MTUS2: variants seen among roughly 807,000 people sequenced by gnomAD.
MTUS2 encodes the protein microtubule-associated tumor suppressor candidate 2.
In MTUS2, 40 loss-of-function variants were observed where a neutral mutation model predicts 114.1. That is an observed-to-expected ratio of 0.35 (90% CI 0.27 to 0.46). MTUS2 has a LOEUF of 0.46. Among genes scored for constraint, MTUS2 ranks in the 20% least tolerant of loss-of-function variants. The pLI is 1.00. For synonymous variants in MTUS2, 688 were observed against 672.0 expected (o/e 1.02, Z -0.37); for missense variants, 1,679 against 1,705.4 (o/e 0.98, Z 0.27).
At chr13:29,018,774 G>A (rs9508224) in intron 2 of MTUS2, among the ~76,000 whole-genome samples, 47,859 of 93,316 alleles carry the variant, frequency 0.51, 9,673 homozygotes, top group Admixed American at 0.56. Context: ...CCCTCCCCCC[G>A]CCCCCGCCCC....
chr13:28,863,894 C>G (rs1192521038), intron 2 of MTUS2, among the ~76,000 whole-genome samples: 1 of 152,144 alleles, frequency 6.6e-6, no homozygotes, highest in Non-Finnish European at 1.5e-5. Context: ...TAGGTTCTCA[C>G]TATGTCACCC....
At chr13:28,825,707 CAG>C (rs1313894421) in intron 1 of MTUS2, among the ~76,000 whole-genome samples, 17 of 152,144 alleles carry the variant, frequency 1.1e-4, no homozygotes, top group African/African-American at 2.7e-4. Context: ...CTCATGGGGA[CAG>C]GGGTATGGAA....
At chr13:29,259,527 A>G (rs1239576744) in intron 5 of MTUS2, among the ~76,000 whole-genome samples, 1 of 152,232 alleles carries the variant, frequency 6.6e-6, no homozygotes, top group East Asian at 1.9e-4. Context: ...CTTTGTTTAT[A>G]TCACCCAAAC....
intron 9 of MTUS2, among the ~76,000 whole-genome samples, chr13:29,470,851 T>G (rs1390871886): frequency 6.6e-6 from 1 of 152,180 alleles, no homozygotes; most frequent in Non-Finnish European, 1.5e-5. Context: ...TACTTGCAGT[T>G]CCTTCTAACT....
intron 8 of MTUS2, among the ~76,000 whole-genome samples, chr13:29,369,115 C>CG (rs960744559): frequency 2.1e-5 from 3 of 143,660 alleles, no homozygotes; most frequent in Admixed American, 1.4e-4. Flanking sequence ...TACCAGGCAG[C>CG]GGGAAAAAAA....
chr13:29,330,935 T>C (rs1287710164), intron 7 of MTUS2, among the ~76,000 whole-genome samples: 10 of 152,202 alleles, frequency 6.6e-5, no homozygotes, highest in Non-Finnish European at 1.5e-5. Context: ...TTTGGTTCCA[T>C]ATGAAATTTG....
chr13:29,350,436 A>C (rs1209115808), intron 7 of MTUS2, among the ~76,000 whole-genome samples: 4 of 151,370 alleles, frequency 2.6e-5, no homozygotes, highest in African/African-American at 9.7e-5. Flanking sequence ...CTTTATCTTC[A>C]AAGCAGTAAT....
chr13:29,286,628 C>T (rs1898490912), intron 6 of MTUS2, among the ~76,000 whole-genome samples: 25 of 144,732 alleles, frequency 1.7e-4, no homozygotes, highest in Admixed American at 1.7e-3. Flanking sequence ...TGAGGGATTT[C>T]TGAAAGCCAT....
chr13:28,898,047 TA>T (rs936745514), intron 2 of MTUS2, among the ~76,000 whole-genome samples: 3 of 150,836 alleles, frequency 2.0e-5, no homozygotes, highest in Non-Finnish European at 3.0e-5. Context: ...ACTTAAAGTA[TA>T]AAAAAAAAGA....
intron 2 of MTUS2, among the ~76,000 whole-genome samples, chr13:28,948,560 T>A (rs1882651266): frequency 6.6e-6 from 1 of 152,182 alleles, no homozygotes; most frequent in Non-Finnish European, 1.5e-5. Flanking sequence ...TTAGTCTTCT[T>A]GATTTCTAAG....
chr13:29,190,958 C>T (rs1038757203), intron 5 of MTUS2, among the ~76,000 whole-genome samples: 1 of 152,122 alleles, frequency 6.6e-6, no homozygotes. Context: ...CTTGGCTTGC[C>T]CACATAGGCA....
At chr13:29,367,282 G>C (rs1870800295) in intron 8 of MTUS2, among the ~76,000 whole-genome samples, 1 of 152,158 alleles carries the variant, frequency 6.6e-6, no homozygotes, top group African/African-American at 2.4e-5. Flanking sequence ...CGGGACAGCA[G>C]GAAGAACTTG....
intron 5 of MTUS2, among the ~76,000 whole-genome samples, chr13:29,263,823 A>G (rs1480823830): frequency 6.6e-6 from 1 of 152,186 alleles, no homozygotes; most frequent in African/African-American, 2.4e-5. Context: ...TACCTCCAAC[A>G]CTGGGGATTA....
At chr13:28,977,039 T>C (rs181090602) in intron 2 of MTUS2, among the ~76,000 whole-genome samples, 1 of 152,262 alleles carries the variant, frequency 6.6e-6, no homozygotes, top group African/African-American at 2.4e-5. Context: ...ATATGACCTC[T>C]TTTTATCAAA....
chr13:28,828,825 A>C (rs1249164673), intron 1 of MTUS2, among the ~76,000 whole-genome samples: 4 of 152,222 alleles, frequency 2.6e-5, no homozygotes, highest in Non-Finnish European at 2.9e-5. Flanking sequence ...AGACAGGATC[A>C]GTATTACTGA....
chr13:29,004,980 G>A (rs1369315093), intron 2 of MTUS2, among the ~76,000 whole-genome samples: 1 of 152,190 alleles, frequency 6.6e-6, no homozygotes, highest in Non-Finnish European at 1.5e-5. Context: ...CAGAGTAAAG[G>A]AGGACTTCAG....
chr13:28,973,515 A>C (rs1460420723), intron 2 of MTUS2, among the ~76,000 whole-genome samples: 1 of 152,214 alleles, frequency 6.6e-6, no homozygotes, highest in Non-Finnish European at 1.5e-5. Flanking sequence ...ATCTTCGGCT[A>C]TCCTGAATGT....
At chr13:29,347,604 A>C (rs9579351) in intron 7 of MTUS2, among the ~76,000 whole-genome samples, 40,879 of 151,552 alleles carry the variant, frequency 0.27, 6,170 homozygotes, top group African/African-American at 0.42. Context: ...CCAAGCAATT[A>C]TCCACTTCTC....
At chr13:29,449,620 C>CAGTATCTA (rs1335909029) in intron 9 of MTUS2, among the ~76,000 whole-genome samples, 2 of 151,740 alleles carry the variant, frequency 1.3e-5, no homozygotes, top group Non-Finnish European at 2.9e-5. Context: ...TTCCCACATA[C>CAGTATCTA]AGTATCTAAG....
Sources: allele counts gnomAD v4.1 joint callset (sites outside exome capture counted in the v4.1 genomes callset), GRCh38; gene constraint gnomAD v4.1.1; transcripts MANE v1.5; gene names NCBI Gene and HGNC (gene_info 2026-07-23, HGNC 2026-07-21).